MSH3: variants seen among roughly 807,000 people sequenced by gnomAD.
MSH3 encodes mutS homolog 3.
Under a neutral mutation model 123.3 loss-of-function variants are expected in MSH3, and 106 were observed. The ratio of observed to expected loss-of-function variants is 0.86; its 90% CI spans 0.73 to 1.01. The LOEUF is 1.01. MSH3 is among the 50% of genes least tolerant of loss of function. MSH3 has a pLI of 0.00. For synonymous variants in MSH3, 515 were observed against 481.4 expected (o/e 1.07, Z -0.91); for missense variants, 1,459 against 1,347.6 (o/e 1.08, Z -1.29).
intron 13 of MSH3, among the ~76,000 whole-genome samples, chr5:80,765,724 T>A (rs1270125554): frequency 6.6e-6 from 1 of 152,226 alleles, no homozygotes; most frequent in Admixed American, 6.5e-5. Context: ...AGTACTATCT[T>A]AGATTCCCTT....
At chr5:80,794,797 G>C (rs1744669525) in intron 19 of MSH3, among the ~76,000 whole-genome samples, 1 of 152,148 alleles carries the variant, frequency 6.6e-6, no homozygotes, top group Admixed American at 6.5e-5. Context: ...TGCGAGAAAT[G>C]GCGATTGGGA....
chr5:80,758,439 A>G (rs1743968443), intron 12 of MSH3, among the ~76,000 whole-genome samples: 1 of 152,156 alleles, frequency 6.6e-6, no homozygotes, highest in African/African-American at 2.4e-5. Context: ...GTTAGGGCTC[A>G]TTGCTCTTCT....
intron 8 of MSH3, among the ~76,000 whole-genome samples, chr5:80,723,094 A>AAAT (rs1751120272): frequency 3.5e-5 from 5 of 144,428 alleles, no homozygotes; most frequent in African/African-American, 1.0e-4. Context: ...ACTCTGTCTA[A>AAAT]AAATAAATAA....
At chr5:80,735,762 C>T (rs1030810671) in intron 10 of MSH3, among the ~76,000 whole-genome samples, 5 of 151,988 alleles carry the variant, frequency 3.3e-5, no homozygotes, top group African/African-American at 7.3e-5. Flanking sequence ...AAAAATTGCC[C>T]GTGTTCTAAA....
intron 20 of MSH3, among the ~76,000 whole-genome samples, chr5:80,853,486 A>G (rs79727898): frequency 6.6e-6 from 1 of 151,884 alleles, no homozygotes; most frequent in South Asian, 2.1e-4. Context: ...AAAAAAAAAA[A>G]GCACAATATG....
intron 19 of MSH3, among the ~76,000 whole-genome samples, chr5:80,802,716 C>A (rs1744812180): frequency 6.6e-6 from 1 of 152,118 alleles, no homozygotes. Context: ...TCACCTTCTT[C>A]ACCCCTACTA....
intron 20 of MSH3, among the ~76,000 whole-genome samples, chr5:80,831,394 G>T (rs1217606684): frequency 6.6e-6 from 1 of 152,074 alleles, no homozygotes; most frequent in African/African-American, 2.4e-5. Context: ...TGGCTTTCCA[G>T]GCTTTTTTAA....
intron 10 of MSH3, among the ~76,000 whole-genome samples, chr5:80,740,737 C>A (rs1279380507): frequency 2.9e-5 from 4 of 139,380 alleles, no homozygotes; most frequent in Non-Finnish European, 4.6e-5. Flanking sequence ...TTTGCCGAGG[C>A]GTAGTCTCAC....
chr5:80,742,739 C>T (rs937446313), intron 11 of MSH3, among the ~76,000 whole-genome samples: 4 of 152,056 alleles, frequency 2.6e-5, no homozygotes, highest in East Asian at 3.9e-4. Flanking sequence ...TCTGTCCTGC[C>T]GGTCTGTCTC....
At chr5:80,774,443 GC>G (rs1744265185) in intron 15 of MSH3, among the ~76,000 whole-genome samples, 1 of 151,498 alleles carries the variant, frequency 6.6e-6, no homozygotes. Context: ...ATATGATCCA[GC>G]AATCCCACTG....
intron 21 of MSH3, among the ~76,000 whole-genome samples, chr5:80,855,250 T>C (rs1011696890): frequency 1.3e-4 from 19 of 151,976 alleles, no homozygotes; most frequent in Admixed American, 6.6e-4. Context: ...CTTTCTGTTT[T>C]CCCCCCCATT....
At chr5:80,823,982 A>C (rs1262425569) in intron 20 of MSH3, among the ~76,000 whole-genome samples, 1 of 152,230 alleles carries the variant, frequency 6.6e-6, no homozygotes, top group Non-Finnish European at 1.5e-5. Flanking sequence ...GAGTGGACAC[A>C]GCACATGTTT....
intron 20 of MSH3, among the ~76,000 whole-genome samples, chr5:80,830,272 G>A (rs1016010998): frequency 3.3e-5 from 5 of 152,004 alleles, no homozygotes; most frequent in African/African-American, 7.2e-5. Flanking sequence ...GCCTACTTCA[G>A]ATTTAATTTA....
At chr5:80,739,671 T>A (rs1743576907) in intron 10 of MSH3, among the ~76,000 whole-genome samples, 1 of 152,184 alleles carries the variant, frequency 6.6e-6, no homozygotes, top group Non-Finnish European at 1.5e-5. Flanking sequence ...CCGCTGAAAA[T>A]CATTAACAGA....
intron 2 of MSH3, among the ~76,000 whole-genome samples, chr5:80,662,834 A>C (rs1749468397): frequency 7.1e-6 from 1 of 140,256 alleles, no homozygotes; most frequent in South Asian, 2.4e-4. Context: ...CTCAAAAAAA[A>C]AAAAAATTTT....
intron 19 of MSH3, 82 bp from the exon 20 acceptor site, chr5:80,813,502 G>A: frequency 7.2e-7 from 1 of 1,387,120 alleles, no homozygotes; most frequent in Middle Eastern, 1.8e-4. Flanking sequence ...TTTGCCTAAT[G>A]CATTTCCACT....
In MSH3 at chr5:80,851,129, AT is replaced by A. The variant is rs369628099; in HGVS notation, c.2814-2995del. ...TCTTTCTCTTATTATTGGATATTTG[AT>A]TTTTTCCAGCTTTTCATTAAATAAC... On this transcript the variant is annotated intron_variant, in intron 20 of 23. Coordinates refer to ENST00000265081, the MANE Select transcript of MSH3 (RefSeq NM_002439.5). Among the ~76,000 whole-genome samples, 19 of 152,054 alleles carry A rather than the reference AT, an allele frequency of 1.2e-4. No homozygotes were observed. In the South Asian group the frequency reaches 3.7e-3, roughly 30 times the overall value.
At chr5:80,827,120 A>G (rs1476550509) in intron 20 of MSH3, among the ~76,000 whole-genome samples, 2 of 152,238 alleles carry the variant, frequency 1.3e-5, no homozygotes, top group Admixed American at 1.3e-4. Flanking sequence ...TAGACTCAGT[A>G]ATTAAGTTTT....
intron 20 of MSH3, among the ~76,000 whole-genome samples, chr5:80,820,636 A>G (rs1158420943): frequency 6.6e-6 from 1 of 152,270 alleles, no homozygotes; most frequent in East Asian, 1.9e-4. Context: ...TCTGAAGGAA[A>G]CATCCCCTTG....
Sources: gnomAD v4.1 joint callset for allele counts (sites outside exome capture counted in the v4.1 genomes callset) on GRCh38, gnomAD v4.1.1 for gene constraint, MANE v1.5 for transcripts, NCBI Gene and HGNC (gene_info 2026-07-23, HGNC 2026-07-21) for gene names.